The following TENM4 variants were observed in gnomAD, a reference collection of about 807,000 sequenced individuals.
The protein encoded by TENM4 is teneurin-4.
In TENM4, 82 loss-of-function variants were observed where a neutral mutation model predicts 243.3. That is an observed-to-expected ratio of 0.34 (90% CI 0.28 to 0.40). The LOEUF (loss-of-function observed/expected upper bound fraction) is 0.40. Among genes scored for constraint, TENM4 ranks in the 10% least tolerant of loss-of-function variants. The pLI is 1.00. For synonymous variants in TENM4, 1,412 were observed against 1,456.3 expected (o/e 0.97, Z 0.69); for missense variants, 3,138 against 3,673.3 (o/e 0.85, Z 3.77).
At chr11:78,752,257 C>T (rs1217432820) in intron 19 of TENM4, among the ~76,000 whole-genome samples, 2 of 152,210 alleles carry the variant, frequency 1.3e-5, no homozygotes, top group Admixed American at 6.5e-5. Flanking sequence ...TTCATCACTC[C>T]AGGAGATGGG....
chr11:79,050,936 G>C (rs112220431), intron 6 of TENM4, among the ~76,000 whole-genome samples: 2 of 152,278 alleles, frequency 1.3e-5, no homozygotes, highest in African/African-American at 4.8e-5. Context: ...CTGGCAGTTA[G>C]AGCCAGGCTG....
chr11:79,146,624 C>T (rs529652781), intron 4 of TENM4, among the ~76,000 whole-genome samples: 35 of 152,126 alleles, frequency 2.3e-4, no homozygotes, highest in African/African-American at 7.9e-4. Flanking sequence ...CGAGTTAACA[C>T]AACATTCCCT....
At chr11:79,096,835 A>G (rs1861088638) in intron 4 of TENM4, 1 of 152,456 alleles carries the variant, frequency 6.6e-6, no homozygotes, top group African/African-American at 2.4e-5. Context: ...CCTAACCGCT[A>G]AGGGAACAAT....
intron 2 of TENM4, among the ~76,000 whole-genome samples, chr11:79,293,991 G>A (rs1479950906): frequency 1.3e-5 from 2 of 152,240 alleles, no homozygotes; most frequent in Non-Finnish European, 2.9e-5. Context: ...ATCATTGCCA[G>A]GATGGCTTAT....
At chr11:78,984,229 A>G (rs534388390) in intron 6 of TENM4, among the ~76,000 whole-genome samples, 111 of 152,298 alleles carry the variant, frequency 7.3e-4, no homozygotes, top group Non-Finnish European at 1.5e-3. Flanking sequence ...GGGATTTACA[A>G]CCTCTGCCTT....
intron 19 of TENM4, among the ~76,000 whole-genome samples, chr11:78,742,638 G>A (rs1399931485): frequency 6.6e-6 from 1 of 152,196 alleles, no homozygotes; most frequent in Admixed American, 6.5e-5. Context: ...GAGCGCTTGT[G>A]CCAAGCCAAG....
chr11:78,997,180 T>C (rs1858197172), intron 6 of TENM4, among the ~76,000 whole-genome samples: 1 of 152,218 alleles, frequency 6.6e-6, no homozygotes, highest in Admixed American at 6.5e-5. Flanking sequence ...ACATGGTAAA[T>C]GCTCAATAAG....
At chr11:78,754,238 C>T (rs553736007) in intron 19 of TENM4, among the ~76,000 whole-genome samples, 67 of 152,326 alleles carry the variant, frequency 4.4e-4, no homozygotes, top group African/African-American at 1.6e-3. Flanking sequence ...CCAAGCTGGC[C>T]TCTCTCTGAG....
At chr11:78,957,808 A>G (rs1461966065) in intron 6 of TENM4, among the ~76,000 whole-genome samples, 3 of 152,194 alleles carry the variant, frequency 2.0e-5, no homozygotes, top group African/African-American at 7.2e-5. Flanking sequence ...GATTCATCTC[A>G]TATAACAGGG....
intron 30 of TENM4, among the ~76,000 whole-genome samples, chr11:78,672,765 A>G (rs1286991184): frequency 6.6e-6 from 1 of 152,152 alleles, no homozygotes; most frequent in Non-Finnish European, 1.5e-5. Context: ...ACCAAAGCTC[A>G]GGGAGGTGAA....
intron 6 of TENM4, among the ~76,000 whole-genome samples, chr11:78,958,333 CG>C (rs1423522974): frequency 6.6e-6 from 1 of 152,168 alleles, no homozygotes; most frequent in African/African-American, 2.4e-5. Context: ...GAACAATTCA[CG>C]AAACATTTAA....
chr11:79,377,628 C>T (rs553710079), intron 1 of TENM4, among the ~76,000 whole-genome samples: 1 of 152,310 alleles, frequency 6.6e-6, no homozygotes, highest in East Asian at 1.9e-4. Flanking sequence ...TACTTCTGTT[C>T]TCCCTTTTTT....
intron 6 of TENM4, among the ~76,000 whole-genome samples, chr11:79,004,941 C>CAAAA (rs58631195): frequency 5.7e-5 from 5 of 87,794 alleles, no homozygotes; most frequent in Non-Finnish European, 9.5e-5. Flanking sequence ...ATAGAAATAC[C>CAAAA]AAAAAAAAAA....
chr11:78,980,900 T>G (rs1323149775), intron 6 of TENM4, among the ~76,000 whole-genome samples: 1 of 152,204 alleles, frequency 6.6e-6, no homozygotes, highest in Non-Finnish European at 1.5e-5. Flanking sequence ...GGAAAGAGAT[T>G]ATTATTCCTG....
chr11:79,199,283 T>C (rs556772258), intron 3 of TENM4, among the ~76,000 whole-genome samples: 10 of 152,364 alleles, frequency 6.6e-5, no homozygotes, highest in African/African-American at 2.2e-4. Flanking sequence ...AATTTGCTAA[T>C]TCATGTAAAC....
chr11:78,916,712 T>A (rs999775988), intron 6 of TENM4, among the ~76,000 whole-genome samples: 1 of 151,872 alleles, frequency 6.6e-6, no homozygotes, highest in African/African-American at 2.4e-5. Flanking sequence ...ATTTTGCAGA[T>A]GAGAAAACTG....
At chr11:78,823,250 C>A in intron 12 of TENM4, among the ~76,000 whole-genome samples, 1 of 152,218 alleles carries the variant, frequency 6.6e-6, no homozygotes, top group East Asian at 1.9e-4. Context: ...AGTGCAATGC[C>A]CCGGCCTCAG....
chr11:79,371,666 T>C (rs983855811), intron 1 of TENM4, among the ~76,000 whole-genome samples: 1 of 152,222 alleles, frequency 6.6e-6, no homozygotes, highest in Admixed American at 6.5e-5. Flanking sequence ...TCAGACAAGC[T>C]AGGGAACTGT....
chr11:78,816,596 T>G (rs751806471), intron 12 of TENM4, among the ~76,000 whole-genome samples: 5 of 152,228 alleles, frequency 3.3e-5, no homozygotes, highest in Non-Finnish European at 7.3e-5. Context: ...TGATCTCATC[T>G]GATACAGAAG....
Sources: gnomAD v4.1 joint callset for allele counts (sites outside exome capture counted in the v4.1 genomes callset) on GRCh38, gnomAD v4.1.1 for gene constraint, MANE v1.5 for transcripts, NCBI Gene and HGNC (gene_info 2026-07-23, HGNC 2026-07-21) for gene names.